Variants in SLC24A3 observed in about 807,000 individuals in gnomAD.
SLC24A3 encodes sodium/potassium/calcium exchanger 3.
A neutral mutation model predicts 75.8 loss-of-function variants in SLC24A3; 28 were observed. The ratio of observed to expected loss-of-function variants is 0.37; its 90% CI spans 0.27 to 0.51. SLC24A3 has a LOEUF of 0.51. Ranked by LOEUF, SLC24A3 falls within the 20% of genes least tolerant of loss-of-function variation. The probability of loss-of-function intolerance (pLI) is 0.94; values close to 1 mark genes in which losing one functional copy is unlikely to be tolerated. For missense variants in SLC24A3, 663 were observed against 847.8 expected (o/e 0.78, Z 2.71); for synonymous variants, 372 against 334.1 (o/e 1.11, Z -1.24).
chr20:19,574,397 C>T lies in SLC24A3; in HGVS notation c.349-5603C>T, dbSNP rs532784706. ...CATACTGACTGCCACAATAATGCTG[C>T]ATAACAAATGGCCTCACAACTTCAG... On this transcript the variant is annotated intron_variant, in intron 3 of 16. Transcript: ENST00000328041. 2.1e-4 allele frequency among the ~76,000 whole-genome samples: 32 copies of T among 152,330 alleles called. 2 individuals are homozygous for T. In the South Asian group the frequency reaches 4.8e-3, roughly 23 times the overall value.
intron 2 of SLC24A3, among the ~76,000 whole-genome samples, chr20:19,458,933 T>G (rs1355197475): frequency 6.6e-6 from 1 of 152,228 alleles, no homozygotes; most frequent in Non-Finnish European, 1.5e-5. Context: ...CTTGTAAAAC[T>G]TGAGAACTTA....
At chr20:19,474,185 G>C (rs1408234579) in intron 2 of SLC24A3, among the ~76,000 whole-genome samples, 2 of 152,078 alleles carry the variant, frequency 1.3e-5, no homozygotes, top group African/African-American at 4.8e-5. Context: ...TCCCTGTCTG[G>C]TCTCCAGCAG....
chr20:19,343,373 A>G (rs1444525826), intron 2 of SLC24A3, among the ~76,000 whole-genome samples: 1 of 152,198 alleles, frequency 6.6e-6, no homozygotes, highest in Non-Finnish European at 1.5e-5. Context: ...TTTCATGTGT[A>G]ATATGTGGAT....
chr20:19,714,413 AAAAAAAAAAAAAAC>A (rs2033021227), intron 15 of SLC24A3, among the ~76,000 whole-genome samples: 1 of 125,762 alleles, frequency 8.0e-6, no homozygotes, highest in Admixed American at 8.8e-5. Flanking sequence ...TCTAAAAAAA[AAAAAAAAAAAAAAC>A]AACAAAAAGA....
chr20:19,303,046 TG>T (rs893560800), intron 2 of SLC24A3, among the ~76,000 whole-genome samples: 1 of 152,108 alleles, frequency 6.6e-6, no homozygotes, highest in African/African-American at 2.4e-5. Flanking sequence ...GGTGCATGTG[TG>T]AGTTTGTTAC....
chr20:19,472,601 A>G (rs1324084664), intron 2 of SLC24A3, among the ~76,000 whole-genome samples: 1 of 152,114 alleles, frequency 6.6e-6, no homozygotes, highest in Non-Finnish European at 1.5e-5. Context: ...CCAGGGTCAT[A>G]CCCGTTTCCT....
At chr20:19,700,534 A>G (rs2122148780) in intron 15 of SLC24A3, among the ~76,000 whole-genome samples, 1 of 152,318 alleles carries the variant, frequency 6.6e-6, no homozygotes, top group East Asian at 1.9e-4. Flanking sequence ...TCATATAGCC[A>G]CATGTGGCTT....
chr20:19,299,654 T>C (rs995306259), intron 2 of SLC24A3, among the ~76,000 whole-genome samples: 4 of 152,204 alleles, frequency 2.6e-5, no homozygotes, highest in Non-Finnish European at 5.9e-5. Context: ...GGCCTGGAAC[T>C]TATGTAAACG....
chr20:19,624,981 C>T (rs2031850677), intron 6 of SLC24A3, among the ~76,000 whole-genome samples: 1 of 152,094 alleles, frequency 6.6e-6, no homozygotes, highest in Non-Finnish European at 1.5e-5. Context: ...CTGGGCTGAT[C>T]CTGGCTGGGT....
intron 2 of SLC24A3, among the ~76,000 whole-genome samples, chr20:19,298,141 GA>G (rs1984102914): frequency 6.6e-6 from 1 of 152,242 alleles, no homozygotes; most frequent in African/African-American, 2.4e-5. Context: ...CAGCATCAGA[GA>G]GAGAAAACAA....
At chr20:19,330,787 A>G (rs966796) in intron 2 of SLC24A3, among the ~76,000 whole-genome samples, 20,775 of 152,232 alleles carry the variant, frequency 0.14, 3,341 homozygotes, top group African/African-American at 0.36. Context: ...GCCTCTCATA[A>G]GTGTACAGTG....
chr20:19,344,426 A>G (rs1175012746), intron 2 of SLC24A3, among the ~76,000 whole-genome samples: 1 of 152,208 alleles, frequency 6.6e-6, no homozygotes, highest in Admixed American at 6.5e-5. Context: ...GGGGTTCCCA[A>G]AGAAAAGACT....
intron 6 of SLC24A3, 85 bp from the exon 7 acceptor site, chr20:19,653,977 A>G (rs977664843): frequency 1.7e-6 from 2 of 1,157,242 alleles, no homozygotes; most frequent in Non-Finnish European, 2.6e-6. Context: ...AGGCCTAGAC[A>G]GGAAGCTGGC....
intron 2 of SLC24A3, among the ~76,000 whole-genome samples, chr20:19,316,975 C>T (rs961546907): frequency 2.0e-5 from 3 of 152,096 alleles, no homozygotes; most frequent in African/African-American, 7.2e-5. Flanking sequence ...GCTATTCTTC[C>T]TGGCGCTCTC....
At chr20:19,393,886 G>T (rs1189639994) in intron 2 of SLC24A3, among the ~76,000 whole-genome samples, 1 of 152,104 alleles carries the variant, frequency 6.6e-6, no homozygotes, top group Non-Finnish European at 1.5e-5. Context: ...AGAATCTTAA[G>T]GGACCCCAAA....
chr20:19,444,980 T>C (rs984836642), intron 2 of SLC24A3, among the ~76,000 whole-genome samples: 11 of 152,194 alleles, frequency 7.2e-5, no homozygotes, highest in African/African-American at 2.4e-4. Flanking sequence ...GTAAGCACTA[T>C]TTTCTGTGTC....
At chr20:19,390,173 G>T (rs1417340992) in intron 2 of SLC24A3, among the ~76,000 whole-genome samples, 1 of 152,056 alleles carries the variant, frequency 6.6e-6, no homozygotes, top group Non-Finnish European at 1.5e-5. Context: ...GTTTCTTTAA[G>T]ATTATTATTT....
Position 19,714,406 on chromosome 20 carries a change from A to G in SLC24A3, c.1720-3122A>G, listed in dbSNP as rs1285496444. Among the ~76,000 whole-genome samples, 7 of 41,976 alleles carry G rather than the reference A, an allele frequency of 1.7e-4. No individual in the cohort carries two copies. The East Asian group carries it at 0.012, about 71-fold the overall frequency. 27.5% of individuals were successfully genotyped at this position (41,976 alleles called of 152,430 possible). A position where few individuals can be genotyped will look rare whatever the true frequency, so the allele number is the denominator to read the frequency against. On this transcript the variant is annotated intron_variant, in intron 15 of 16. Coordinates refer to ENST00000328041, the MANE Select transcript of SLC24A3 (RefSeq NM_020689.4). ...GACAACACAATGAGACCCAGTCTCT[A>G]AAAAAAAAAAAAAAAAAAAACAACA...
chr20:19,496,001 G>T (rs1023986790), intron 2 of SLC24A3, among the ~76,000 whole-genome samples: 4 of 152,142 alleles, frequency 2.6e-5, no homozygotes, highest in East Asian at 3.9e-4. Flanking sequence ...GAAGAACATA[G>T]AAATGTCTGG....
Sources: allele counts gnomAD v4.1 joint callset (sites outside exome capture counted in the v4.1 genomes callset), GRCh38; gene constraint gnomAD v4.1.1; transcripts MANE v1.5; gene names NCBI Gene and HGNC (gene_info 2026-07-23, HGNC 2026-07-21).